The following SCN11A variants were observed in gnomAD, a reference collection of about 807,000 sequenced individuals.
SCN11A encodes sodium voltage-gated channel alpha subunit 11.
SCN11A carries 122 observed loss-of-function variants against 162.2 expected under a neutral mutation model. The ratio of observed to expected loss-of-function variants is 0.75; its 90% CI spans 0.65 to 0.87. The LOEUF (loss-of-function observed/expected upper bound fraction) is 0.87, where lower values mean the gene tolerates loss of function less well. Ranked by LOEUF, SCN11A falls within the 40% of genes least tolerant of loss-of-function variation. The pLI is 0.00. For synonymous variants in SCN11A, 758 were observed against 751.5 expected, an observed-to-expected ratio of 1.01 and a Z score of -0.14; for missense variants, 2,015 against 2,181.6, an observed-to-expected ratio of 0.92 and a Z score of 1.52.
intron 7 of SCN11A, among the ~76,000 whole-genome samples, chr3:38,931,085 A>C (rs1216160368): frequency 6.6e-6 from 1 of 152,208 alleles, no homozygotes; most frequent in Non-Finnish European, 1.5e-5. Flanking sequence ...GCTTCCAGGG[A>C]AGCTGCAGTA....
chr3:38,967,355 T>C (rs190077037), intron 2 of SCN11A, among the ~76,000 whole-genome samples: 6 of 152,352 alleles, frequency 3.9e-5, no homozygotes, highest in Non-Finnish European at 4.4e-5. Flanking sequence ...GATTGCTCAC[T>C]CTGGAAGAAG....
intron 11 of SCN11A, among the ~76,000 whole-genome samples, chr3:38,912,463 C>T (rs1310356137): frequency 6.6e-6 from 1 of 152,022 alleles, no homozygotes; most frequent in African/African-American, 2.4e-5. Flanking sequence ...AAATTTTTTT[C>T]TTTCTATTTA....
At chr3:38,933,737 T>C (rs1273416594) in intron 7 of SCN11A, among the ~76,000 whole-genome samples, 4 of 152,108 alleles carry the variant, frequency 2.6e-5, no homozygotes, top group African/African-American at 7.2e-5. Context: ...AAACACCAAA[T>C]CTACGTCTGA....
rs2065559859 is a variant in SCN11A, at chr3:38,894,652, T to C, written c.2716A>G (p.Thr906Ala). ...ELGILTSVPK[T>A]LGVRHDWTWL... ...GTCCAATCATGCCTGACGCCCAGGGTCTTTGGTACAGAGGTTAGTATACCA... is the reference window on the plus strand; with the variant it reads ...GTCCAATCATGCCTGACGCCCAGGGCCTTTGGTACAGAGGTTAGTATACCA... Residue 906 changes from threonine to alanine, a missense_variant, in exon 19 of 30, where the codon ACC (threonine) becomes GCC (alanine). Physicochemically the swap from Thr to Ala is moderately conservative, Grantham distance 58. Coordinates refer to ENST00000302328, the MANE Select transcript of SCN11A (RefSeq NM_001349253.2). The C allele has an allele frequency of 4.3e-6, 7 of 1,613,988 alleles. No individual in the cohort carries two copies. Among genetic ancestry groups the C allele is most frequent in the South Asian group, 1.1e-5 (1 of 91,078 alleles).
chr3:38,950,298 T>A lies in SCN11A; in HGVS notation c.65A>T (p.Asp22Val), dbSNP rs1386406805. ...CCGCTTCTCAATTGCAGCCAGAGAG[T>A]CGGAAGTGAAGGGGCGGAAATTCCG... The part of the protein sequence containing the change: ...DERNFRPFTS[D>V]SLAAIEKRIA... Residue 22 changes from aspartate to valine, a missense_variant, in exon 5 of 30, where the codon GAC becomes GTC. Transcript: ENST00000302328. 1 of 1,613,478 alleles carries A rather than the reference T, an allele frequency of 6.2e-7. No homozygotes were observed. Among genetic ancestry groups the A allele is most frequent in the Admixed American group, 1.7e-5 (1 of 59,950 alleles).
At chr3:38,856,982 T>C (rs1161566897) in intron 28 of SCN11A, among the ~76,000 whole-genome samples, 3 of 113,522 alleles carry the variant, frequency 2.6e-5, no homozygotes, top group African/African-American at 1.0e-4. Context: ...GAAAATATTT[T>C]AAATTTAAAA....
In SCN11A at chr3:38,845,889, A is replaced by T. The variant is rs865898309; in HGVS notation, c.*805T>A. 4 of 152,304 alleles carry T rather than the reference A, an allele frequency of 2.6e-5. No homozygotes were observed. Among genetic ancestry groups the T allele is most frequent in the Middle Eastern group, 3.4e-3 (1 of 292 alleles). The allele number at this position is 152,304 out of a possible 1,614,324, so 9.4% of individuals were successfully genotyped here. ...CCTCTAGGTTTTAAACAAACCCAAA[A>T]TAATTAATGTTGGTAAAAAATGTCT... On this transcript the variant is annotated 3_prime_UTR_variant, in exon 30 of 30. Coordinates refer to ENST00000302328, the MANE Select transcript of SCN11A (RefSeq NM_001349253.2).
chr3:38,878,945 A>C (rs922415530), intron 23 of SCN11A, among the ~76,000 whole-genome samples: 3 of 152,142 alleles, frequency 2.0e-5, no homozygotes, highest in Admixed American at 2.0e-4. Context: ...AGGTAATGTT[A>C]AAATCAAGGG....
intron 2 of SCN11A, among the ~76,000 whole-genome samples, chr3:39,031,558 A>G (rs572585324): frequency 6.6e-6 from 1 of 152,012 alleles, no homozygotes; most frequent in African/African-American, 2.4e-5. Flanking sequence ...AAAAACAAAC[A>G]AAGAAGGAAG....
At chr3:39,044,996 A>G (rs1231540987) in intron 1 of SCN11A, among the ~76,000 whole-genome samples, 4 of 152,166 alleles carry the variant, frequency 2.6e-5, no homozygotes, top group Admixed American at 1.3e-4. Context: ...AGGAATACAA[A>G]AGATCATTAG....
intron 4 of SCN11A, among the ~76,000 whole-genome samples, chr3:38,951,527 A>T (rs2066616683): frequency 6.6e-6 from 1 of 152,252 alleles, no homozygotes; most frequent in East Asian, 1.9e-4. Flanking sequence ...CCAAGGGCTG[A>T]GGAGTGCGAG....
chr3:38,965,202 T>C (rs1367524158), intron 2 of SCN11A, among the ~76,000 whole-genome samples: 2 of 152,364 alleles, frequency 1.3e-5, no homozygotes, highest in Middle Eastern at 3.4e-3. Flanking sequence ...TTCATGATCT[T>C]GTTCACTGCC....
At chr3:39,012,455 T>TC in intron 2 of SCN11A, among the ~76,000 whole-genome samples, 1 of 132,428 alleles carries the variant, frequency 7.6e-6, no homozygotes, top group African/African-American at 4.2e-5. Flanking sequence ...TCTTTCTCTC[T>TC]TTCTTTCTTT....
At chr3:38,887,889 T>C (rs1321562909) in intron 19 of SCN11A, among the ~76,000 whole-genome samples, 2 of 152,212 alleles carry the variant, frequency 1.3e-5, no homozygotes, top group East Asian at 3.8e-4. Flanking sequence ...TCTCCACACA[T>C]GTAATAGCAT....
chr3:38,980,207 G>C (rs1189000286), intron 2 of SCN11A, among the ~76,000 whole-genome samples: 1 of 151,576 alleles, frequency 6.6e-6, no homozygotes, highest in Admixed American at 6.6e-5. Flanking sequence ...AGGTGTGAAT[G>C]AAAATATCTC....
chr3:38,979,312 T>A (rs949109696), intron 2 of SCN11A, among the ~76,000 whole-genome samples: 1 of 152,268 alleles, frequency 6.6e-6, no homozygotes, highest in African/African-American at 2.4e-5. Context: ...TCTTCCCTAA[T>A]CAACACCTGT....
intron 2 of SCN11A, among the ~76,000 whole-genome samples, chr3:39,030,985 T>C (rs2031734100): frequency 6.6e-6 from 1 of 152,224 alleles, no homozygotes; most frequent in South Asian, 2.1e-4. Context: ...ATGGCCTGGA[T>C]GGTTCTCTAC....
At chr3:39,017,878 T>C (rs1009198663) in intron 2 of SCN11A, among the ~76,000 whole-genome samples, 5 of 152,254 alleles carry the variant, frequency 3.3e-5, no homozygotes, top group Admixed American at 6.5e-5. Flanking sequence ...CTCCTTTGCA[T>C]GCCTGGCAAT....
chr3:39,005,881 T>C (rs2030958502), intron 2 of SCN11A, among the ~76,000 whole-genome samples: 1 of 152,210 alleles, frequency 6.6e-6, no homozygotes, highest in Non-Finnish European at 1.5e-5. Context: ...TTTTTTGTTT[T>C]GTTTTGTTTT....
Sources: gnomAD v4.1 joint callset for allele counts (sites outside exome capture counted in the v4.1 genomes callset) on GRCh38, gnomAD v4.1.1 for gene constraint, MANE v1.5 for transcripts, NCBI Gene and HGNC (gene_info 2026-07-23, HGNC 2026-07-21) for gene names.